The following RPRD1A variants were observed in gnomAD, a reference collection of about 807,000 sequenced individuals.
RPRD1A encodes the protein regulation of nuclear pre-mRNA domain-containing protein 1A.
In RPRD1A, 9 loss-of-function variants were observed where a neutral mutation model predicts 37.8. The ratio of observed to expected loss-of-function variants is 0.24; its 90% CI spans 0.14 to 0.42. RPRD1A has a LOEUF of 0.42. Ranked by LOEUF, RPRD1A falls within the 10% of genes least tolerant of loss-of-function variation. RPRD1A has a pLI of 1.00. For synonymous variants in RPRD1A, 138 were observed against 139.7 expected, an observed-to-expected ratio of 0.99 and a Z score of 0.08; for missense variants, 255 against 371.0, an observed-to-expected ratio of 0.69 and a Z score of 2.57.
At chr18:36,044,641 T>C (rs767493063) in intron 1 of RPRD1A, among the ~76,000 whole-genome samples, 10 of 151,784 alleles carry the variant, frequency 6.6e-5, no homozygotes, top group African/African-American at 4.8e-5. Flanking sequence ...TGAGCCAAGA[T>C]GACACCACCG....
chr18:36,001,709 A>T (rs1909428808), intron 6 of RPRD1A, among the ~76,000 whole-genome samples: 1 of 152,178 alleles, frequency 6.6e-6, no homozygotes, highest in South Asian at 2.1e-4. Flanking sequence ...GACATTCCTC[A>T]AAATCACTGA....
intron 6 of RPRD1A, among the ~76,000 whole-genome samples, chr18:36,014,204 T>A (rs1910353481): frequency 6.6e-6 from 1 of 152,174 alleles, no homozygotes; most frequent in Non-Finnish European, 1.5e-5. Context: ...AAAAAGCATA[T>A]AAATTTCTAG....
chr18:36,055,709 G>T (rs1913715561), intron 1 of RPRD1A, among the ~76,000 whole-genome samples: 1 of 152,024 alleles, frequency 6.6e-6, no homozygotes, highest in South Asian at 2.1e-4. Flanking sequence ...AATTTATATA[G>T]AGAAACAAAA....
At chr18:36,030,101 C>T (rs750580202) in intron 4 of RPRD1A, among the ~76,000 whole-genome samples, 2 of 151,230 alleles carry the variant, frequency 1.3e-5, no homozygotes, top group Admixed American at 6.6e-5. Flanking sequence ...CCACTGCGCC[C>T]GGCCACTCTA....
intron 1 of RPRD1A, among the ~76,000 whole-genome samples, chr18:36,047,864 A>T (rs909008801): frequency 1.4e-4 from 21 of 152,212 alleles, no homozygotes; most frequent in African/African-American, 5.1e-4. Flanking sequence ...CTCCAGGTCC[A>T]GATGGTTTCC....
chr18:36,039,408 G>C (rs1912428887), intron 1 of RPRD1A, among the ~76,000 whole-genome samples: 1 of 152,170 alleles, frequency 6.6e-6, no homozygotes, highest in Admixed American at 6.5e-5. Context: ...CATATAACCA[G>C]GAGACAGTTA....
At chr18:36,029,810 CTT>C (rs1003109258) in intron 4 of RPRD1A, among the ~76,000 whole-genome samples, 1 of 145,186 alleles carries the variant, frequency 6.9e-6, no homozygotes, top group Non-Finnish European at 1.5e-5. Flanking sequence ...TCTAACACTA[CTT>C]TTTTTTTTTT....
At position 35,992,107 on chromosome 18, in the gene RPRD1A, A is replaced by G. The variant is rs1019374553; in HGVS notation, c.*1044T>C. On this transcript the variant is annotated 3_prime_UTR_variant, in exon 7 of 7. Transcript: ENST00000399022. ...AATATACAAATATAAAATTTACCAT[A>G]TCTACCCTGTAGTGTGGCACTGCTT... 2 of 152,646 alleles carry G rather than the reference A, an allele frequency of 1.3e-5. No homozygotes were observed. The highest frequency in any genetic ancestry group is 3.8e-4 in the East Asian group (2 of 5,198). 9.5% of individuals were successfully genotyped at this position (152,646 alleles called of 1,614,324 possible).
chr18:36,041,925 G>A lies in RPRD1A; in HGVS notation c.152-8088C>T, dbSNP rs1026876380. Among the ~76,000 whole-genome samples the A allele has an allele frequency of 3.9e-5, 6 of 152,330 alleles. No homozygotes were observed. In the South Asian group the frequency reaches 1.2e-3, roughly 32 times the overall value. On this transcript the variant is annotated intron_variant, in intron 1 of 6. Transcript: ENST00000399022. ...TGATGTACTCCTGTACTACTGCCAG[G>A]AGGTCTCAGATTTGGCAGCCTATTC...
intron 1 of RPRD1A, among the ~76,000 whole-genome samples, chr18:36,034,164 G>T (rs1912018794): frequency 6.6e-6 from 1 of 151,992 alleles, no homozygotes; most frequent in Admixed American, 6.6e-5. Context: ...ATCCTACATT[G>T]AATTTAGGAT....
At chr18:36,011,718 T>C (rs531003658) in intron 6 of RPRD1A, among the ~76,000 whole-genome samples, 1 of 152,234 alleles carries the variant, frequency 6.6e-6, no homozygotes, top group East Asian at 1.9e-4. Context: ...ATGCCAAAAA[T>C]GTGCACCTTC....
At position 35,992,924 on chromosome 18, in the gene RPRD1A, T is replaced by G; in HGVS notation, c.*227A>C. The G allele has an allele frequency of 2.6e-6, 1 of 382,064 alleles. No individual in the cohort carries two copies. Among genetic ancestry groups the G allele is most frequent in the Non-Finnish European group, 4.6e-6 (1 of 219,162 alleles). 23.7% of individuals were successfully genotyped at this position (382,064 alleles called of 1,614,324 possible). A position where few individuals can be genotyped will look rare whatever the true frequency, so the allele number is the denominator to read the frequency against. On this transcript the variant is annotated 3_prime_UTR_variant, in exon 7 of 7. Transcript: ENST00000399022. ...ATCTTTTGAAAATAATCACTATTTG[T>G]GAGCTTATTAATACACACAAATCAT...
intron 6 of RPRD1A, among the ~76,000 whole-genome samples, chr18:36,020,965 G>A (rs989715429): frequency 1.3e-5 from 2 of 152,200 alleles, no homozygotes; most frequent in African/African-American, 2.4e-5. Flanking sequence ...ACAGGGCTAA[G>A]TCTTTTGCTT....
At chr18:36,054,072 G>A (rs1913590956) in intron 1 of RPRD1A, among the ~76,000 whole-genome samples, 4 of 152,160 alleles carry the variant, frequency 2.6e-5, no homozygotes, top group African/African-American at 4.8e-5. Flanking sequence ...GCCATTCAGT[G>A]ACACTGAGAC....
At chr18:36,007,034 TTTTTC>T (rs749933554) in intron 6 of RPRD1A, among the ~76,000 whole-genome samples, 6 of 152,138 alleles carry the variant, frequency 3.9e-5, no homozygotes, top group East Asian at 1.9e-4. Flanking sequence ...TTCTGTCTTT[TTTTTC>T]TTTTCTTTAC....
At chr18:36,040,996 T>TA (rs1912543793) in intron 1 of RPRD1A, 1 of 544,018 alleles carries the variant, frequency 1.8e-6, no homozygotes, top group East Asian at 3.2e-5. Flanking sequence ...AATTCCCCAT[T>TA]AGAGTTTAAT....
At chr18:36,039,419 T>C (rs1912429507) in intron 1 of RPRD1A, among the ~76,000 whole-genome samples, 1 of 152,204 alleles carries the variant, frequency 6.6e-6, no homozygotes, top group African/African-American at 2.4e-5. Context: ...GAGACAGTTA[T>C]ATAACCTACC....
chr18:36,002,228 C>T (rs913980315), intron 6 of RPRD1A, among the ~76,000 whole-genome samples: 7 of 152,158 alleles, frequency 4.6e-5, no homozygotes, highest in African/African-American at 1.4e-4. Flanking sequence ...TTCCAGTATT[C>T]CAAGCCCATG....
At position 36,031,007 on chromosome 18, in the gene RPRD1A, T is replaced by C. The variant is rs1230924629; in HGVS notation, c.372A>G (p.Gln124=). ...TACACTTACACAGAGCTTGTTTAAG[T>C]TGTTCTAATACATCATTTTCATAAA... ...RSVYENDVLE[Q]LKQALYGDKK... The change falls in exon 3 of 7, where the codon CAA becomes CAG. Residue 124 remains glutamine (Q), a synonymous_variant. Transcript: ENST00000399022. 1 of 1,598,270 alleles carries C rather than the reference T, an allele frequency of 6.3e-7. No individual in the cohort carries two copies. Among genetic ancestry groups the C allele is most frequent in the East Asian group, 2.2e-5 (1 of 44,698 alleles).
Sources: gnomAD v4.1 joint callset for allele counts (sites outside exome capture counted in the v4.1 genomes callset) on GRCh38, gnomAD v4.1.1 for gene constraint, MANE v1.5 for transcripts, NCBI Gene and HGNC (gene_info 2026-07-23, HGNC 2026-07-21) for gene names.